RBFOX1: variants seen among roughly 807,000 people sequenced by gnomAD.
RBFOX1 encodes the protein RNA binding protein fox-1 homolog 1.
Under a neutral mutation model 57.7 loss-of-function variants are expected in RBFOX1, and 8 were observed. The observed-to-expected ratio is 0.14, with a 90% CI of 0.08 to 0.25. RBFOX1 has a LOEUF of 0.25. Among genes scored for constraint, RBFOX1 ranks in the 10% least tolerant of loss-of-function variants. The probability of loss-of-function intolerance (pLI) is 1.00; values close to 1 mark genes in which losing one functional copy is unlikely to be tolerated. For synonymous variants in RBFOX1, 326 were observed against 222.4 expected, an observed-to-expected ratio of 1.47 and a Z score of -4.15; for missense variants, 611 against 548.5, an observed-to-expected ratio of 1.11 and a Z score of -1.14.
intron 2 of RBFOX1, among the ~76,000 whole-genome samples, chr16:5,483,170 T>C (rs986644392): frequency 2.0e-5 from 3 of 152,232 alleles, no homozygotes; most frequent in African/African-American, 7.2e-5. Context: ...GTTCTCATCC[T>C]CGGAGTCCAG....
At chr16:7,368,264 C>T (rs1255902451) in intron 4 of RBFOX1, among the ~76,000 whole-genome samples, 12 of 130,864 alleles carry the variant, frequency 9.2e-5, no homozygotes, top group Admixed American at 3.9e-4. Context: ...GAGACTGTCT[C>T]GAAAAAAAAA....
intron 2 of RBFOX1, among the ~76,000 whole-genome samples, chr16:5,556,029 A>G (rs547387194): frequency 2.0e-4 from 27 of 138,458 alleles, no homozygotes; most frequent in African/African-American, 9.1e-4. Context: ...TCAAAAAAAC[A>G]AACAAACAAA....
At chr16:7,548,492 C>G (rs911026388) in intron 5 of RBFOX1, among the ~76,000 whole-genome samples, 1 of 152,200 alleles carries the variant, frequency 6.6e-6, no homozygotes, top group African/African-American at 2.4e-5. Flanking sequence ...ACATTTGACA[C>G]TGAGCACTGG....
intron 4 of RBFOX1, among the ~76,000 whole-genome samples, chr16:7,267,272 T>A (rs937968089): frequency 2.6e-5 from 4 of 151,834 alleles, no homozygotes; most frequent in South Asian, 2.1e-4. Context: ...CGGTGGCTCA[T>A]GCCTGTAATG....
chr16:5,746,187 A>G (rs2052973837), intron 3 of RBFOX1, among the ~76,000 whole-genome samples: 1 of 152,192 alleles, frequency 6.6e-6, no homozygotes, highest in Non-Finnish European at 1.5e-5. Flanking sequence ...ACCATTTATT[A>G]AATAGGGAAT....
chr16:7,282,991 A>G lies in RBFOX1; in HGVS notation c.27+230893A>G, dbSNP rs1048954211. On this transcript the variant is annotated intron_variant, in intron 4 of 15. Transcript: ENST00000550418. ...GTGTGTGTATCTCACAGTTTCTTCA[A>G]TGCACTCATTGGTTTATGGATGGGT... Among the ~76,000 whole-genome samples the G allele has an allele frequency of 5.9e-5, 9 of 152,082 alleles. No individual in the cohort carries two copies. In the South Asian group the frequency reaches 6.2e-4, roughly 11 times the overall value.
chr16:6,367,238 T>A (rs188089824), intron 2 of RBFOX1, among the ~76,000 whole-genome samples: 13 of 134,652 alleles, frequency 9.7e-5, no homozygotes, highest in African/African-American at 3.4e-4. Context: ...TAGCCCTTCT[T>A]GGATTTTCTT....
intron 4 of RBFOX1, among the ~76,000 whole-genome samples, chr16:7,122,551 T>TA (rs939866432): frequency 1.1e-4 from 17 of 152,036 alleles, no homozygotes; most frequent in African/African-American, 3.1e-4. Context: ...AGGCATAAGA[T>TA]AAAAAAAATT....
At chr16:6,661,380 G>A (rs541270600) in intron 3 of RBFOX1, among the ~76,000 whole-genome samples, 5 of 152,250 alleles carry the variant, frequency 3.3e-5, no homozygotes, top group South Asian at 2.1e-4. Context: ...TGTTTATGGC[G>A]AATGCAAGTC....
In RBFOX1 at chr16:5,946,202, G is replaced by C. The variant is rs1159684391; in HGVS notation, c.351+78867G>C. Among the ~76,000 whole-genome samples the C allele has an allele frequency of 6.6e-6, 1 of 152,194 alleles. No individual in the cohort carries two copies. Among genetic ancestry groups the C allele is most frequent in the African/African-American group, 2.4e-5 (1 of 41,450 alleles). ...CACAGACGGCCCGAGGTGGGGGCCA[G>C]GCTCTGCCACATTAGATGCCTTCAC... On this transcript the variant is annotated intron_variant, in intron 4 of 19. Coordinates refer to the RBFOX1 transcript ENST00000641259. This position sits in a 1 kb window ranked among gnomAD's most constrained non-coding sequence, Gnocchi z 4.6.
At chr16:6,113,266 C>T (rs371327879) in intron 1 of RBFOX1, among the ~76,000 whole-genome samples, 1 of 152,150 alleles carries the variant, frequency 6.6e-6, no homozygotes, top group Non-Finnish European at 1.5e-5. Context: ...TGCAAAAGGG[C>T]ATTTTAAGCT....
intron 4 of RBFOX1, among the ~76,000 whole-genome samples, chr16:7,362,922 T>G (rs2097357327): frequency 6.6e-6 from 1 of 152,176 alleles, no homozygotes; most frequent in Admixed American, 6.5e-5. Context: ...AACTCAGCTC[T>G]GCACTAGTGT....
At chr16:6,471,595 A>C (rs1358255499) in intron 2 of RBFOX1, among the ~76,000 whole-genome samples, 1 of 141,286 alleles carries the variant, frequency 7.1e-6, no homozygotes, top group East Asian at 2.1e-4. Context: ...AAAAAAAAAA[A>C]CCTCTAGTGG....
intron 5 of RBFOX1, among the ~76,000 whole-genome samples, chr16:7,554,034 A>G (rs1167062487): frequency 2.0e-5 from 3 of 152,272 alleles, no homozygotes; most frequent in African/African-American, 7.2e-5. Context: ...GCTTGAGCCC[A>G]GGAGGTCGAG....
intron 3 of RBFOX1, among the ~76,000 whole-genome samples, chr16:5,653,586 C>T (rs546747468): frequency 5.3e-5 from 8 of 152,266 alleles, no homozygotes; most frequent in African/African-American, 1.7e-4. Context: ...GATTGCCTCT[C>T]CCTGACCTCC....
chr16:5,986,088 G>A (rs576295343), intron 4 of RBFOX1, among the ~76,000 whole-genome samples: 20 of 148,800 alleles, frequency 1.3e-4, no homozygotes, highest in Admixed American at 1.3e-3. Context: ...TCCAGACAGG[G>A]TCTCGCTCTT....
intron 3 of RBFOX1, among the ~76,000 whole-genome samples, chr16:5,817,489 A>T (rs1002713906): frequency 6.6e-6 from 1 of 152,162 alleles, no homozygotes; most frequent in East Asian, 1.9e-4. Context: ...TAATGGATGA[A>T]CAAGTGAGTG....
intron 4 of RBFOX1, among the ~76,000 whole-genome samples, chr16:5,891,848 C>T (rs554186810): frequency 1.3e-5 from 2 of 152,262 alleles, no homozygotes; most frequent in East Asian, 3.9e-4. Flanking sequence ...GGAGACCCTC[C>T]ATCCTGTTCT....
chr16:5,757,863 C>G (rs1444820142), intron 3 of RBFOX1, among the ~76,000 whole-genome samples: 5 of 152,162 alleles, frequency 3.3e-5, no homozygotes, highest in Non-Finnish European at 7.3e-5. Flanking sequence ...TAGACTACTT[C>G]TCTTGGGTCT....
Sources: allele counts gnomAD v4.1 joint callset (sites outside exome capture counted in the v4.1 genomes callset), GRCh38; gene constraint gnomAD v4.1.1; non-coding constraint Gnocchi (gnomAD v3.1); transcripts MANE v1.5; gene names NCBI Gene and HGNC (gene_info 2026-07-23, HGNC 2026-07-21).